TMEM132D: variants seen among roughly 807,000 people sequenced by gnomAD.
TMEM132D encodes the protein mature OL transmembrane protein.
TMEM132D carries 21 observed loss-of-function variants against 62.3 expected under a neutral mutation model. The observed-to-expected ratio is 0.34, with a 90% CI of 0.24 to 0.49. The LOEUF (loss-of-function observed/expected upper bound fraction) is 0.49, where lower values mean the gene tolerates loss of function less well. Among genes scored for constraint, TMEM132D ranks in the 20% least tolerant of loss-of-function variants. The probability of loss-of-function intolerance (pLI) is 0.99; values close to 1 mark genes in which losing one functional copy is unlikely to be tolerated. For synonymous variants in TMEM132D, 621 were observed against 575.6 expected, an observed-to-expected ratio of 1.08 and a Z score of -1.13; for missense variants, 1,346 against 1,402.8, an observed-to-expected ratio of 0.96 and a Z score of 0.65.
intron 4 of TMEM132D, among the ~76,000 whole-genome samples, chr12:129,270,623 T>C (rs1880828407): frequency 1.3e-5 from 2 of 152,142 alleles, no homozygotes; most frequent in East Asian, 1.9e-4. Flanking sequence ...GTGCATTACA[T>C]CCTTACAGTC....
intron 5 of TMEM132D, among the ~76,000 whole-genome samples, chr12:129,162,942 C>T (rs113522201): frequency 0.012 from 1,787 of 152,316 alleles, 42 homozygotes; most frequent in African/African-American, 0.041. Flanking sequence ...GTCATCCCCC[C>T]AGCATCAGCC....
chr12:129,370,407 T>C lies in TMEM132D; in HGVS notation c.1116-32590A>G, dbSNP rs74596055. Among the ~76,000 whole-genome samples the C allele has an allele frequency of 5.0e-3, 760 of 152,352 alleles. 7 individuals are homozygous for C. The highest frequency in any genetic ancestry group is 0.014 in the Middle Eastern group (4 of 294). On this transcript the variant is annotated intron_variant, in intron 3 of 8. Coordinates refer to ENST00000422113, the MANE Select transcript of TMEM132D (RefSeq NM_133448.3). ...ATGAATGAATTGCTCCTTCACTCTA[T>C]AGTGGCAGCTCTGCCAGCTGTGAGG...
At chr12:129,233,752 G>C (rs1052242668) in intron 4 of TMEM132D, among the ~76,000 whole-genome samples, 44 of 152,136 alleles carry the variant, frequency 2.9e-4, no homozygotes, top group African/African-American at 1.1e-3. Context: ...TCAGCCTCCT[G>C]AGTAGCTGGG....
At chr12:129,137,042 C>T (rs1259787715) in intron 5 of TMEM132D, among the ~76,000 whole-genome samples, 2 of 144,060 alleles carry the variant, frequency 1.4e-5, no homozygotes, top group African/African-American at 5.1e-5. Flanking sequence ...TCAACACCAT[C>T]ATCCCATCAT....
At chr12:129,462,659 T>C (rs1873717970) in intron 3 of TMEM132D, among the ~76,000 whole-genome samples, 1 of 152,196 alleles carries the variant, frequency 6.6e-6, no homozygotes, top group Admixed American at 6.6e-5. Context: ...GCACTAAATA[T>C]TCCTCTTTGT....
intron 4 of TMEM132D, among the ~76,000 whole-genome samples, chr12:129,243,215 T>G (rs1879982576): frequency 6.6e-6 from 1 of 152,232 alleles, no homozygotes; most frequent in Admixed American, 6.5e-5. Flanking sequence ...TCAGATGTAA[T>G]GTAAGCAAAT....
At chr12:129,122,868 C>T (rs1876106786) in intron 5 of TMEM132D, among the ~76,000 whole-genome samples, 1 of 152,032 alleles carries the variant, frequency 6.6e-6, no homozygotes, top group Admixed American at 6.5e-5. Context: ...CACATCACAC[C>T]AAAGAAACAT....
intron 3 of TMEM132D, among the ~76,000 whole-genome samples, chr12:129,514,049 C>CAGGAT (rs1875599426): frequency 6.6e-6 from 1 of 150,780 alleles, no homozygotes; most frequent in South Asian, 2.1e-4. Context: ...CTGTGTCAGC[C>CAGGAT]AGGATGGTCT....
chr12:129,700,793 C>G, intron 1 of TMEM132D, 95 bp from the exon 2 acceptor site: 5 of 1,371,824 alleles, frequency 3.6e-6, no homozygotes, highest in East Asian at 2.4e-5. Flanking sequence ...AACAGAGGAC[C>G]CTGTCTTCGC....
intron 3 of TMEM132D, among the ~76,000 whole-genome samples, chr12:129,428,440 A>G (rs909782672): frequency 3.3e-5 from 5 of 152,220 alleles, no homozygotes; most frequent in African/African-American, 9.6e-5. Context: ...GCATTTTTCT[A>G]TTTTGCAACT....
At chr12:129,553,003 T>C (rs1876943088) in intron 2 of TMEM132D, among the ~76,000 whole-genome samples, 1 of 152,172 alleles carries the variant, frequency 6.6e-6, no homozygotes, top group East Asian at 1.9e-4. Flanking sequence ...AGTCCGAGTC[T>C]CTGGGGACAA....
At chr12:129,512,080 A>T (rs1190042824) in intron 3 of TMEM132D, among the ~76,000 whole-genome samples, 1 of 152,192 alleles carries the variant, frequency 6.6e-6, no homozygotes, top group Admixed American at 6.5e-5. Flanking sequence ...TGCAGTGCTT[A>T]GAACTGTGCC....
intron 1 of TMEM132D, among the ~76,000 whole-genome samples, chr12:129,860,208 T>C (rs534871720): frequency 1.1e-4 from 16 of 152,304 alleles, no homozygotes; most frequent in African/African-American, 3.8e-4. Flanking sequence ...AGAAAAACTA[T>C]GCAAAACTTG....
chr12:129,755,775 C>T (rs76700140), intron 1 of TMEM132D, among the ~76,000 whole-genome samples: 3,495 of 152,242 alleles, frequency 0.023, 202 homozygotes, highest in East Asian at 0.15. Context: ...GGAAATCTCT[C>T]TCCACCTCCA....
intron 5 of TMEM132D, among the ~76,000 whole-genome samples, chr12:129,098,502 A>G (rs1354150326): frequency 6.6e-6 from 1 of 152,192 alleles, no homozygotes; most frequent in Non-Finnish European, 1.5e-5. Context: ...CTACCAAGAA[A>G]TGAGTCTTAC....
chr12:129,606,035 G>A (rs1878616397), intron 2 of TMEM132D, among the ~76,000 whole-genome samples: 1 of 152,098 alleles, frequency 6.6e-6, no homozygotes, highest in South Asian at 2.1e-4. Flanking sequence ...TGAACCCTCA[G>A]CTACTGTGCT....
intron 3 of TMEM132D, among the ~76,000 whole-genome samples, chr12:129,460,396 T>C (rs1873624012): frequency 6.6e-6 from 1 of 152,182 alleles, no homozygotes; most frequent in South Asian, 2.1e-4. Flanking sequence ...TTGAGAAATG[T>C]CAGGAAGGGA....
At chr12:129,754,969 A>T (rs1273932872) in intron 1 of TMEM132D, among the ~76,000 whole-genome samples, 2 of 152,218 alleles carry the variant, frequency 1.3e-5, no homozygotes, top group Non-Finnish European at 2.9e-5. Flanking sequence ...ATTTTCCTAT[A>T]GCAATAATAT....
chr12:129,462,532 T>C (rs1052162808), intron 3 of TMEM132D, among the ~76,000 whole-genome samples: 2 of 152,220 alleles, frequency 1.3e-5, no homozygotes, highest in African/African-American at 4.8e-5. Context: ...CCACTGCTCC[T>C]ACAAGGACAT....
Sources: gnomAD v4.1 joint callset for allele counts (sites outside exome capture counted in the v4.1 genomes callset) on GRCh38, gnomAD v4.1.1 for gene constraint, MANE v1.5 for transcripts, NCBI Gene and HGNC (gene_info 2026-07-23, HGNC 2026-07-21) for gene names.